Variants in ATP2C2 observed in about 807,000 individuals in gnomAD.
ATP2C2 encodes the protein ATPase secretory pathway Ca2+ transporting 2.
ATP2C2 carries 171 observed loss-of-function variants against 110.8 expected under a neutral mutation model. That is an observed-to-expected ratio of 1.54 (90% CI 1.36 to 1.75). The LOEUF (loss-of-function observed/expected upper bound fraction) is 1.75, where lower values mean the gene tolerates loss of function less well. ATP2C2 is among the 40% of genes most tolerant of loss of function. The pLI, the probability that ATP2C2 is intolerant of heterozygous loss-of-function variation, is 0.00. For synonymous variants in ATP2C2, 804 were observed against 508.4 expected (o/e 1.58, Z -7.82); for missense variants, 1,963 against 1,235.0 (o/e 1.59, Z -8.84).
chr16:84,423,169 AT>A lies in ATP2C2; in HGVS notation c.844-17del, dbSNP rs778685103. ...AGCTAGGATCTTGTCCAACTAACCC[AT>A]TGTGCTCACCCTTTCAGACACCTAA... On this transcript the variant is annotated intron_variant, in intron 9 of 26. Coordinates refer to ENST00000262429, the MANE Select transcript of ATP2C2 (RefSeq NM_014861.4). The A allele has an allele frequency of 3.8e-5, 62 of 1,610,926 alleles. No homozygotes were observed. The highest frequency in any genetic ancestry group is 5.1e-5 in the Non-Finnish European group (60 of 1,177,372).
intron 26 of ATP2C2, 86 bp from the exon 27 acceptor site, chr16:84,463,528 C>T: frequency 2.7e-6 from 3 of 1,123,374 alleles, no homozygotes; most frequent in Non-Finnish European, 4.1e-6. Flanking sequence ...CTCACTTTAT[C>T]AGGAGGACTG....
intron 1 of ATP2C2, among the ~76,000 whole-genome samples, chr16:84,378,126 T>A (rs1910356881): frequency 6.6e-6 from 1 of 152,152 alleles, no homozygotes; most frequent in South Asian, 2.1e-4. Flanking sequence ...CACCTCACTT[T>A]CCTAAGCCAA....
At position 84,442,533 on chromosome 16, in the gene ATP2C2, G is replaced by A. The variant is rs1438626811; in HGVS notation, c.1335G>A (p.Ala445=). Residue 445 remains alanine (A), a synonymous_variant, in exon 15 of 27, where the codon GCG becomes GCA. Coordinates refer to ENST00000262429, the MANE Select transcript of ATP2C2 (RefSeq NM_014861.4). ...AGGCGGGCTGTGTTGCCAACAATGC[G>A]GTCATCAGAAAGAACGCCGTGATGG... is the stretch of plus-strand genomic sequence containing the variant. The part of the protein sequence containing the change: ...LVEAGCVANN[A]VIRKNAVMGQ... 1.5e-5 allele frequency: 24 copies of A among 1,613,910 alleles called. No individual in the cohort carries two copies. Among genetic ancestry groups the A allele is most frequent in the Admixed American group, 8.3e-5 (5 of 60,000 alleles).
intron 3 of ATP2C2, 69 bp from the exon 4 acceptor site, chr16:84,408,336 G>T: frequency 6.8e-7 from 1 of 1,461,416 alleles, no homozygotes; most frequent in Non-Finnish European, 9.6e-7. Flanking sequence ...ACAAACTTCT[G>T]CACAGTAAGA....
At chr16:84,461,861 G>A (rs550159854) in intron 25 of ATP2C2, 49 bp downstream of exon 25, 9 of 1,607,088 alleles carry the variant, frequency 5.6e-6, no homozygotes, top group Admixed American at 1.7e-5. Context: ...GTGTGTTCTC[G>A]ACAGCAGCGC....
chr16:84,453,026 C>A, intron 18 of ATP2C2, 112 bp from the exon 19 acceptor site: 1 of 1,130,522 alleles, frequency 8.8e-7, no homozygotes, highest in Non-Finnish European at 1.3e-6. Flanking sequence ...CCTCAGTAAA[C>A]CGTCTCCAGC....
At chr16:84,404,960 C>G (rs1327222505) in intron 2 of ATP2C2, 168 bp from the exon 3 acceptor site, 2 of 717,746 alleles carry the variant, frequency 2.8e-6, no homozygotes, top group African/African-American at 1.7e-5. Context: ...CCTCCTCTCT[C>G]TGCCCCATCT....
At position 84,430,295 on chromosome 16, in the gene ATP2C2, C is replaced by T. The variant is rs181535122; in HGVS notation, c.986+4494C>T. Reference sequence around the variant, plus strand: ...GGCCTGAGCCAGGGCTGGGAAGACCCGTCTACGCGAACGGCAAAGTTGCCA... The same window carrying T: ...GGCCTGAGCCAGGGCTGGGAAGACCTGTCTACGCGAACGGCAAAGTTGCCA... On this transcript the variant is annotated intron_variant, in intron 11 of 26. Transcript: ENST00000262429. Among the ~76,000 whole-genome samples the T allele has an allele frequency of 1.2e-4, 18 of 152,228 alleles. No homozygotes were observed. In the East Asian group the frequency reaches 3.1e-3, roughly 26 times the overall value.
intron 1 of ATP2C2, among the ~76,000 whole-genome samples, chr16:84,378,460 C>A (rs544874374): frequency 4.6e-4 from 70 of 152,340 alleles, no homozygotes; most frequent in African/African-American, 1.6e-3. Flanking sequence ...CCTCCTCTCC[C>A]TGGCTTTTTG....
intron 16 of ATP2C2, among the ~76,000 whole-genome samples, chr16:84,447,272 A>G (rs909685735): frequency 6.6e-6 from 1 of 152,198 alleles, no homozygotes; most frequent in Non-Finnish European, 1.5e-5. Flanking sequence ...GGACACATGT[A>G]CATTTCAGGG....
At chr16:84,440,554 C>A (rs1028859438) in intron 13 of ATP2C2, among the ~76,000 whole-genome samples, 3 of 152,192 alleles carry the variant, frequency 2.0e-5, no homozygotes, top group Admixed American at 1.3e-4. Flanking sequence ...GTTTACCCAG[C>A]GCTGTTCTTG....
rs1911216813 is a variant in ATP2C2 at position 84,460,653 on chromosome 16, G to A, written c.2334-1G>A. 1.9e-6 allele frequency: 3 copies of A among 1,614,110 alleles called. No individual in the cohort carries two copies. The highest frequency in any genetic ancestry group is 2.7e-5 in the African/African-American group (2 of 74,936). Reference sequence around the variant, plus strand: ...AAGTGTCTGTGTCTTGTTCGGAGCAGCTTGGGGGTAGAGCCCGTTGACAAA... The same window carrying A: ...AAGTGTCTGTGTCTTGTTCGGAGCAACTTGGGGGTAGAGCCCGTTGACAAA... On this transcript the variant is annotated splice_acceptor_variant, in intron 23 of 26. Coordinates refer to ENST00000262429, the MANE Select transcript of ATP2C2 (RefSeq NM_014861.4). LOFTEE classifies it high-confidence loss of function.
intron 7 of ATP2C2, among the ~76,000 whole-genome samples, chr16:84,420,713 C>G (rs903784917): frequency 6.6e-6 from 1 of 152,122 alleles, no homozygotes; most frequent in Non-Finnish European, 1.5e-5. Flanking sequence ...GCTCCAGGAT[C>G]CTACCTGACA....
At position 84,397,306 on chromosome 16, in the gene ATP2C2, G is replaced by T. The variant is rs529938578; in HGVS notation, c.100-1193G>T. On this transcript the variant is annotated intron_variant, in intron 1 of 26. Coordinates refer to ENST00000262429, the MANE Select transcript of ATP2C2 (RefSeq NM_014861.4). ...CCCCTTTTCTTTGGTTATTTAAAAT[G>T]TCCCATAGAACCAGGCTGTGATACC... Among the ~76,000 whole-genome samples the T allele has an allele frequency of 5.3e-5, 8 of 151,418 alleles. No individual in the cohort carries two copies. The South Asian group carries it at 1.3e-3, about 24-fold the overall frequency.
chr16:84,410,233 C>T (rs961266736), intron 4 of ATP2C2, among the ~76,000 whole-genome samples: 6 of 152,172 alleles, frequency 3.9e-5, no homozygotes, highest in African/African-American at 1.2e-4. Context: ...GGGGTAAGTT[C>T]CACATCTGCT....
At chr16:84,410,921 T>C (rs1906227796) in intron 6 of ATP2C2, 156 bp downstream of exon 6, 1 of 712,724 alleles carries the variant, frequency 1.4e-6, no homozygotes, top group Non-Finnish European at 2.4e-6. Context: ...CGCCTGCCAA[T>C]AGGTCGCTGT....
intron 6 of ATP2C2, among the ~76,000 whole-genome samples, chr16:84,412,441 CAT>C (rs1167888397): frequency 1.5e-5 from 2 of 131,426 alleles, no homozygotes; most frequent in African/African-American, 5.6e-5. Context: ...TGTGTGTATG[CAT>C]GTGTGTGTCT....
At position 84,460,712 on chromosome 16, in the gene ATP2C2, G is replaced by T. The variant is rs1489792352; in HGVS notation, c.2392G>T (p.Asp798Tyr). Residue 798 changes from aspartate to tyrosine, a missense_variant, in exon 24 of 27, where the codon GAC becomes TAC. By Grantham distance (160) the Asp-to-Tyr change is radical. Transcript: ENST00000262429. Reference sequence around the variant, plus strand: ...CAGGCAGCCACCACGGAGTGTGCGGGACACCATCCTCAGCAGAGCCCTCAT... The same window carrying T: ...CAGGCAGCCACCACGGAGTGTGCGGTACACCATCCTCAGCAGAGCCCTCAT... ...AFRQPPRSVRDTILSRALILK... is the reference protein window; with the variant it reads ...AFRQPPRSVRYTILSRALILK... 2 of 1,614,090 alleles carry T rather than the reference G, an allele frequency of 1.2e-6. No homozygotes were observed. The highest frequency in any genetic ancestry group is 1.3e-5 in the African/African-American group (1 of 74,934).
At chr16:84,397,080 G>C (rs879637597) in intron 1 of ATP2C2, among the ~76,000 whole-genome samples, 1 of 151,800 alleles carries the variant, frequency 6.6e-6, no homozygotes, top group Non-Finnish European at 1.5e-5. Context: ...TGGTGGAAAA[G>C]GAAAAGATGA....
Sources: gnomAD v4.1 joint callset for allele counts (sites outside exome capture counted in the v4.1 genomes callset) on GRCh38, gnomAD v4.1.1 for gene constraint, MANE v1.5 for transcripts, NCBI Gene and HGNC (gene_info 2026-07-23, HGNC 2026-07-21) for gene names.